The following SV2B variants were observed in gnomAD, a reference collection of about 807,000 sequenced individuals.
SV2B encodes solute carrier family 22 member B2.
In SV2B, 41 loss-of-function variants were observed where a neutral mutation model predicts 73.9. The observed-to-expected ratio is 0.56, with a 90% CI of 0.43 to 0.72. SV2B has a LOEUF of 0.72. Ranked by LOEUF, SV2B falls within the 30% of genes least tolerant of loss-of-function variation. The probability of loss-of-function intolerance (pLI) is 0.00; values close to 1 mark genes in which losing one functional copy is unlikely to be tolerated. For synonymous variants in SV2B, 314 were observed against 314.2 expected, an observed-to-expected ratio of 1.00 and a Z score of 0.01; for missense variants, 764 against 857.8, an observed-to-expected ratio of 0.89 and a Z score of 1.37.
Position 91,148,332 on chromosome 15 carries a change from G to A in SV2B, c.-392+47969G>A, listed in dbSNP as rs142750747. ...CATTTTAGAGCCCCTCTGCCTCTCTGAGACTTTTAAAAATGTATCTTTGAC... is the reference window on the plus strand; with the variant it reads ...CATTTTAGAGCCCCTCTGCCTCTCTAAGACTTTTAAAAATGTATCTTTGAC... On this transcript the variant is annotated intron_variant, in intron 1 of 12. Transcript: ENST00000394232. Among the ~76,000 whole-genome samples, 8 of 152,178 alleles carry A rather than the reference G, an allele frequency of 5.3e-5. No individual in the cohort carries two copies. In the East Asian group the frequency reaches 1.5e-3, roughly 29 times the overall value.
Position 91,130,689 on chromosome 15 carries a change from G to A in SV2B, c.-392+30326G>A, listed in dbSNP as rs899337373. ...TGTGAGTCTTGCAGACATACTGCCT[G>A]CATGGAGGTGAGAAGAAGAGCTGCA... is the stretch of plus-strand genomic sequence containing the variant. On this transcript the variant is annotated intron_variant, in intron 1 of 12. Transcript: ENST00000394232. This position sits in a 1 kb window ranked among gnomAD's most constrained non-coding sequence, Gnocchi z 5.6. Among the ~76,000 whole-genome samples the A allele has an allele frequency of 1.3e-5, 2 of 152,142 alleles. No homozygotes were observed. The highest frequency in any genetic ancestry group is 1.3e-4 in the Admixed American group (2 of 15,268).
rs185285631 is a variant in SV2B at position 91,137,220 on chromosome 15, G to A, written c.-392+36857G>A. On this transcript the variant is annotated intron_variant, in intron 1 of 12. Transcript: ENST00000394232. This position sits in a 1 kb window ranked among gnomAD's most constrained non-coding sequence, Gnocchi z 4.9. ...ATGGTTTTATTAAAAACTTAAATACGTCAGTGGAACACTTCTCCAGTCTCC... is the reference window on the plus strand; with the variant it reads ...ATGGTTTTATTAAAAACTTAAATACATCAGTGGAACACTTCTCCAGTCTCC... Among the ~76,000 whole-genome samples, 659 of 152,140 alleles carry A rather than the reference G, an allele frequency of 4.3e-3. 6 individuals are homozygous for A. The highest frequency in any genetic ancestry group is 5.8e-3 in the Non-Finnish European group (392 of 67,998).
intron 1 of SV2B, among the ~76,000 whole-genome samples, chr15:91,189,039 G>A (rs1393925709): frequency 2.0e-5 from 3 of 151,894 alleles, no homozygotes; most frequent in East Asian, 1.9e-4. Context: ...TTGGTCAGGC[G>A]GGTCTCAAAA....
In SV2B at chr15:91,301,764, T is replaced by C. The variant is rs1163049399; in HGVS notation, c.*9212T>C. Among the ~76,000 whole-genome samples, 1 of 152,234 alleles carries C rather than the reference T, an allele frequency of 6.6e-6. No homozygotes were observed. Among genetic ancestry groups the C allele is most frequent in the Admixed American group, 6.5e-5 (1 of 15,288 alleles). ...AAAAGATTTTGGGATATTGGCATTA[T>C]ACCTACCAGCTGAGCATCCCAAGTC... is the stretch of plus-strand genomic sequence containing the variant. On this transcript the variant is annotated 3_prime_UTR_variant, in exon 13 of 13. Coordinates refer to ENST00000394232, the MANE Select transcript of SV2B (RefSeq NM_001323032.3). This position sits in a 1 kb window ranked among gnomAD's most constrained non-coding sequence, Gnocchi z 4.3.
Position 91,266,680 on chromosome 15 carries a change from C to G in SV2B, c.1107C>G (p.Thr369=). 1 of 1,613,238 alleles carries G rather than the reference C, an allele frequency of 6.2e-7. No homozygotes were observed. The change falls in exon 7 of 13, where the codon ACC becomes ACG. Residue 369 remains threonine (T), a synonymous_variant. Coordinates refer to ENST00000394232, the MANE Select transcript of SV2B (RefSeq NM_001323032.3). ...AGCGCTGGCTGGTCAGATTCAAGAC[C>G]ATTTTCAAGCAGGTATGATTGGGAA... ...WYQRWLVRFK[T]IFKQVWDNAL... is the part of the protein sequence containing the mutation.
intron 2 of SV2B, among the ~76,000 whole-genome samples, chr15:91,249,067 T>G (rs1281020789): frequency 2.3e-5 from 1 of 43,786 alleles, no homozygotes; most frequent in East Asian, 6.9e-4. Flanking sequence ...CATCTACGTT[T>G]TCACACACAC....
chr15:91,100,154 G>T (rs1004182443), upstream of SV2B: 1 of 152,108 alleles, frequency 6.6e-6, no homozygotes, highest in Non-Finnish European at 1.5e-5. The surrounding 1 kb of genome is among the most constrained non-coding windows in gnomAD (Gnocchi z 6.4). Context: ...CCCGCCCCGC[G>T]TGCTCTGTAG....
intron 2 of SV2B, among the ~76,000 whole-genome samples, chr15:91,249,091 C>T (rs1327098408): frequency 1.3e-5 from 2 of 148,970 alleles, no homozygotes; most frequent in Non-Finnish European, 3.0e-5. Flanking sequence ...CACACACACA[C>T]ACACACACAC....
At chr15:91,134,072 C>T (rs2042742658) in intron 1 of SV2B, among the ~76,000 whole-genome samples, 1 of 135,606 alleles carries the variant, frequency 7.4e-6, no homozygotes, top group Non-Finnish European at 1.5e-5. Flanking sequence ...GATCTCGGCT[C>T]ACTGCAACCT....
chr15:91,289,994 C>G lies in SV2B; in HGVS notation c.1868+314C>G, dbSNP rs1042000109. On this transcript the variant is annotated intron_variant, in intron 12 of 12. Coordinates refer to ENST00000394232, the MANE Select transcript of SV2B (RefSeq NM_001323032.3). The surrounding 1 kb of genome is among the most constrained non-coding windows in gnomAD (Gnocchi z 4.9). ...CATGTAATCCACAAGAGAGAACAGA[C>G]CTTCAAGGGGAGATAAGGCAAAAAA... Among the ~76,000 whole-genome samples, 7 of 152,050 alleles carry G rather than the reference C, an allele frequency of 4.6e-5. No homozygotes were observed. Among genetic ancestry groups the G allele is most frequent in the Admixed American group, 2.6e-4 (4 of 15,264 alleles).
chr15:91,153,941 G>C (rs1265229252), intron 1 of SV2B, among the ~76,000 whole-genome samples: 3 of 151,962 alleles, frequency 2.0e-5, no homozygotes, highest in Non-Finnish European at 4.4e-5. Flanking sequence ...TCTGAGGGGG[G>C]ACATCCCAAC....
At position 91,113,591 on chromosome 15, in the gene SV2B, G is replaced by A. The variant is rs548768428; in HGVS notation, c.-392+13228G>A. 8.5e-5 allele frequency among the ~76,000 whole-genome samples: 13 copies of A among 152,256 alleles called. No homozygotes were observed. In the South Asian group the frequency reaches 2.7e-3, roughly 32 times the overall value. On this transcript the variant is annotated intron_variant, in intron 1 of 12. Transcript: ENST00000394232. ...CTCTTTAATAGAGAAAACGACTGGGGTAAACATCCAACTTTTTTCCCGCGA... is the reference window on the plus strand; with the variant it reads ...CTCTTTAATAGAGAAAACGACTGGGATAAACATCCAACTTTTTTCCCGCGA...
At position 91,141,874 on chromosome 15, in the gene SV2B, G is replaced by T. The variant is rs560049455; in HGVS notation, c.-392+41511G>T. Among the ~76,000 whole-genome samples the T allele has an allele frequency of 2.0e-5, 3 of 152,066 alleles. No individual in the cohort carries two copies. Among genetic ancestry groups the T allele is most frequent in the Non-Finnish European group, 2.9e-5 (2 of 68,024 alleles). ...GTATGTTTAAAAGACTGACACTGTC[G>T]GACGGGAATTGGCAGTAGAGAACAC... On this transcript the variant is annotated intron_variant, in intron 1 of 12. Transcript: ENST00000394232. This position sits in a 1 kb window ranked among gnomAD's most constrained non-coding sequence, Gnocchi z 4.6.
chr15:91,178,208 A>T (rs1343742139), intron 1 of SV2B, among the ~76,000 whole-genome samples: 1 of 151,642 alleles, frequency 6.6e-6, no homozygotes, highest in East Asian at 1.9e-4. Flanking sequence ...TGATTTGTGT[A>T]TGTTGAACCA....
rs139114520 is a variant in SV2B, at chr15:91,276,436, A to G, written c.1374-5292A>G. On this transcript the variant is annotated intron_variant, in intron 9 of 12. Coordinates refer to ENST00000394232, the MANE Select transcript of SV2B (RefSeq NM_001323032.3). ...TTTCTCTTATCTTTCTTGAATTCCA[A>G]TTGCACCTATGTTAGATTGTTTGAT... 6.3e-3 allele frequency among the ~76,000 whole-genome samples: 964 copies of G among 151,896 alleles called. 8 individuals are homozygous for G. The highest frequency in any genetic ancestry group is 0.011 in the Non-Finnish European group (743 of 67,934).
rs2049446493 is a variant in SV2B at position 91,301,620 on chromosome 15, C to T, written c.*9068C>T. On this transcript the variant is annotated 3_prime_UTR_variant, in exon 13 of 13. Transcript: ENST00000394232. This position sits in a 1 kb window ranked among gnomAD's most constrained non-coding sequence, Gnocchi z 4.3. ...TAATGAGTAAGTGTTATTTTCTTCC[C>T]TTTAGAAGTGGGGAAACTGGAACAC... Among the ~76,000 whole-genome samples the T allele has an allele frequency of 6.6e-6, 1 of 152,064 alleles. No individual in the cohort carries two copies. Among genetic ancestry groups the T allele is most frequent in the East Asian group, 1.9e-4 (1 of 5,188 alleles).
rs531572383 is a variant in SV2B at position 91,171,425 on chromosome 15, G to T, written c.-391-54448G>T. 2.2e-4 allele frequency among the ~76,000 whole-genome samples: 34 copies of T among 152,328 alleles called. No individual in the cohort carries two copies. The East Asian group carries it at 6.6e-3, about 29-fold the overall frequency. ...TTGATATTGTGAGTTGGTGGCACAT[G>T]TGTCTTGACTGGCTGGGCCAGGCTG... On this transcript the variant is annotated intron_variant, in intron 1 of 12. Coordinates refer to ENST00000394232, the MANE Select transcript of SV2B (RefSeq NM_001323032.3).
rs375700622 is a variant in SV2B, at chr15:91,162,232, C to T, written c.-392+61869C>T. On this transcript the variant is annotated intron_variant, in intron 1 of 12. Coordinates refer to ENST00000394232, the MANE Select transcript of SV2B (RefSeq NM_001323032.3). ...TGTGTATGTCTTTAGTAAAATAATCCCTCTTCTAGTAATCTTTCTTCCAGA... is the reference window on the plus strand; with the variant it reads ...TGTGTATGTCTTTAGTAAAATAATCTCTCTTCTAGTAATCTTTCTTCCAGA... 3.9e-5 allele frequency among the ~76,000 whole-genome samples: 6 copies of T among 151,992 alleles called. No individual in the cohort carries two copies. The South Asian group carries it at 6.2e-4, about 16-fold the overall frequency.
chr15:91,251,343 C>A (rs1209248661), intron 2 of SV2B, among the ~76,000 whole-genome samples: 1 of 152,196 alleles, frequency 6.6e-6, no homozygotes, highest in Admixed American at 6.5e-5. Context: ...GAAGAAAGGT[C>A]CTTCTTGGAT....
Sources: allele counts gnomAD v4.1 joint callset (sites outside exome capture counted in the v4.1 genomes callset), GRCh38; gene constraint gnomAD v4.1.1; non-coding constraint Gnocchi (gnomAD v3.1); transcripts MANE v1.5; gene names NCBI Gene and HGNC (gene_info 2026-07-23, HGNC 2026-07-21).